The following SIK2 variants were observed in gnomAD, a reference collection of about 807,000 sequenced individuals.
SIK2 encodes serine/threonine-protein kinase SIK2.
In SIK2, 29 loss-of-function variants were observed where a neutral mutation model predicts 103.2. The ratio of observed to expected loss-of-function variants is 0.28; its 90% CI spans 0.21 to 0.38. The LOEUF (loss-of-function observed/expected upper bound fraction) is 0.38. SIK2 is among the 10% of genes least tolerant of loss of function. The probability of loss-of-function intolerance (pLI) is 1.00; values close to 1 mark genes in which losing one functional copy is unlikely to be tolerated. For missense variants in SIK2, 879 were observed against 1,171.0 expected, an observed-to-expected ratio of 0.75 and a Z score of 3.64; for synonymous variants, 412 against 446.1, an observed-to-expected ratio of 0.92 and a Z score of 0.96.
chr11:111,726,918 T>C lies in SIK2; in HGVS notation c.*2789T>C, dbSNP rs1381328458. On this transcript the variant is annotated 3_prime_UTR_variant, in exon 15 of 15. Coordinates refer to ENST00000304987, the MANE Select transcript of SIK2 (RefSeq NM_015191.3). ...AAATTTCGTTCGGCAAAAAGTGCAA[T>C]ATGTGTGGTACTTTATTTTTTATGT... 4.4e-6 allele frequency: 7 copies of C among 1,585,032 alleles called. No homozygotes were observed. In the South Asian group the frequency reaches 5.6e-5, roughly 13 times the overall value.
chr11:111,645,906 G>A (rs1942249722), intron 3 of SIK2, among the ~76,000 whole-genome samples: 1 of 152,140 alleles, frequency 6.6e-6, no homozygotes, highest in Non-Finnish European at 1.5e-5. Context: ...AAGTATGGGG[G>A]AGGTGCTTCT....
intron 3 of SIK2, among the ~76,000 whole-genome samples, chr11:111,632,974 C>G (rs112693849): frequency 6.6e-6 from 1 of 152,102 alleles, no homozygotes; most frequent in African/African-American, 2.4e-5. Flanking sequence ...GGGCTCCTGT[C>G]TTCTGTACTT....
intron 3 of SIK2, among the ~76,000 whole-genome samples, chr11:111,663,488 C>T (rs1364418515): frequency 6.6e-6 from 1 of 151,998 alleles, no homozygotes; most frequent in Non-Finnish European, 1.5e-5. Flanking sequence ...TGGTTGAGAT[C>T]ACATGGGGTC....
At chr11:111,637,658 CA>C in intron 3 of SIK2, among the ~76,000 whole-genome samples, 1 of 152,024 alleles carries the variant, frequency 6.6e-6, no homozygotes, top group East Asian at 1.9e-4. Flanking sequence ...GACAGGGCTT[CA>C]CCATGTTGAC....
chr11:111,719,413 C>T (rs1361898268), intron 9 of SIK2, among the ~76,000 whole-genome samples: 23 of 132,950 alleles, frequency 1.7e-4, no homozygotes, highest in African/African-American at 6.2e-4. Flanking sequence ...AAAAACAACT[C>T]ATCTTCCCCC....
At chr11:111,697,387 C>T (rs1727466948) in intron 4 of SIK2, among the ~76,000 whole-genome samples, 2 of 152,106 alleles carry the variant, frequency 1.3e-5, no homozygotes, top group South Asian at 4.1e-4. Context: ...AATGTTGTCC[C>T]CCATTCCCTG....
rs545078728 is a variant in SIK2 at position 111,663,532 on chromosome 11, C to G, written c.317-24469C>G. ...CATGGTAGAGACTTGGAATTTTGTA[C>G]TGAGTGAGACTGGAAGCCAGTGGAG... On this transcript the variant is annotated intron_variant, in intron 3 of 14. Transcript: ENST00000304987. 4.6e-5 allele frequency among the ~76,000 whole-genome samples: 7 copies of G among 152,218 alleles called. No individual in the cohort carries two copies. The East Asian group carries it at 1.4e-3, about 29-fold the overall frequency.
At chr11:111,652,627 AG>A (rs1942341988) in intron 3 of SIK2, among the ~76,000 whole-genome samples, 1 of 152,220 alleles carries the variant, frequency 6.6e-6, no homozygotes, top group South Asian at 2.1e-4. Context: ...TGATTAGAAA[AG>A]GTGCTTTTGA....
intron 3 of SIK2, among the ~76,000 whole-genome samples, chr11:111,665,749 C>G (rs995243758): frequency 2.0e-5 from 3 of 151,714 alleles, no homozygotes; most frequent in African/African-American, 7.3e-5. Flanking sequence ...TCACTTGAAC[C>G]CGGGAGGCAG....
rs931762090 is a variant in SIK2, at chr11:111,729,000, C to T, written c.*4871C>T. On this transcript the variant is annotated 3_prime_UTR_variant, in exon 15 of 15. Coordinates refer to ENST00000304987, the MANE Select transcript of SIK2 (RefSeq NM_015191.3). ...GGACAAAGAGATTTTCTTAAAGTTT[C>T]TATCATCTCCCTTCTGACAGGTTCT... The T allele has an allele frequency of 3.9e-5, 6 of 152,152 alleles. No homozygotes were observed. The highest frequency in any genetic ancestry group is 1.4e-4 in the African/African-American group (6 of 41,434). 9.4% of individuals were successfully genotyped at this position (152,152 alleles called of 1,614,324 possible).
chr11:111,647,992 TAAATG>T (rs1159518571), intron 3 of SIK2, among the ~76,000 whole-genome samples: 1 of 152,106 alleles, frequency 6.6e-6, no homozygotes, highest in Admixed American at 6.5e-5. Context: ...TATCATATAG[TAAATG>T]AAATTTCTCT....
chr11:111,651,767 C>A (rs1942330161), intron 3 of SIK2, among the ~76,000 whole-genome samples: 1 of 152,166 alleles, frequency 6.6e-6, no homozygotes, highest in Non-Finnish European at 1.5e-5. Context: ...GCATTGAACA[C>A]CTACACTATG....
rs1366193372 is a variant in SIK2, at chr11:111,723,966, A to G, written c.2618A>G (p.Gln873Arg). The change falls in exon 15 of 15, where the codon CAG (glutamine) becomes CGG (arginine). Residue 873 changes from glutamine (Q) to arginine (R), a missense_variant. Gln to Arg is a conservative substitution (Grantham distance 43, BLOSUM62 1). This residue lies in a region of SIK2 where 375 missense variants were observed against 416.3 expected (regional missense o/e 0.90). Coordinates refer to ENST00000304987, the MANE Select transcript of SIK2 (RefSeq NM_015191.3). ...TGTCAGTATCCTGTGGATGGAGCCC[A>G]GCAGAGCGACCTAACGGGGCCAGAC... ...TPCQYPVDGA[Q>R]QSDLTGPDCP... 4 of 1,614,140 alleles carry G rather than the reference A, an allele frequency of 2.5e-6. No homozygotes were observed. In the South Asian group the frequency reaches 4.4e-5, roughly 18 times the overall value.
At chr11:111,606,370 G>A (rs565490987) in intron 1 of SIK2, among the ~76,000 whole-genome samples, 1 of 151,904 alleles carries the variant, frequency 6.6e-6, no homozygotes, top group East Asian at 1.9e-4. Flanking sequence ...TCCACTAATG[G>A]GAATAACCCA....
rs1591648558 is a variant in SIK2 at position 111,721,186 on chromosome 11, A to G, written c.1944+124A>G. The G allele has an allele frequency of 9.2e-6, 11 of 1,202,062 alleles. No homozygotes were observed. In the South Asian group the frequency reaches 1.8e-4, roughly 19 times the overall value. 74.5% of individuals were successfully genotyped at this position (1,202,062 alleles called of 1,614,324 possible). A position where few individuals can be genotyped will look rare whatever the true frequency, so the allele number is the denominator to read the frequency against. On this transcript the variant is annotated intron_variant, in intron 12 of 14. Coordinates refer to ENST00000304987, the MANE Select transcript of SIK2 (RefSeq NM_015191.3). ...TGGAGCAAACAGGCTGTTTGGGAAAACCCACAGCTTCTTTGCCTTGTTGCT... is the reference window on the plus strand; with the variant it reads ...TGGAGCAAACAGGCTGTTTGGGAAAGCCCACAGCTTCTTTGCCTTGTTGCT...
chr11:111,655,240 A>G (rs1942376655), intron 3 of SIK2, among the ~76,000 whole-genome samples: 1 of 152,132 alleles, frequency 6.6e-6, no homozygotes. Flanking sequence ...CTTCTCTACT[A>G]AAAATACAAA....
At chr11:111,678,709 A>G (rs1942738706) in intron 3 of SIK2, among the ~76,000 whole-genome samples, 1 of 152,218 alleles carries the variant, frequency 6.6e-6, no homozygotes, top group Non-Finnish European at 1.5e-5. Context: ...TTGCTAATGT[A>G]CATTTTATGT....
rs1267544133 is a variant in SIK2, at chr11:111,725,353, G to GA, written c.*1227dup. Reference sequence around the variant, plus strand: ...TTCAAGTATTACAGCAATATTCAAAGAAAGAACCACAGATGTGTTAACCAT... The same window carrying GA: ...TTCAAGTATTACAGCAATATTCAAAGAAAAGAACCACAGATGTGTTAACCAT... On this transcript the variant is annotated 3_prime_UTR_variant, in exon 15 of 15. Coordinates refer to ENST00000304987, the MANE Select transcript of SIK2 (RefSeq NM_015191.3). The GA allele has an allele frequency of 6.6e-6, 1 of 150,660 alleles. No individual in the cohort carries two copies. Among genetic ancestry groups the GA allele is most frequent in the Non-Finnish European group, 1.5e-5 (1 of 66,780 alleles). The allele number at this position is 150,660 out of a possible 1,614,324, so 9.3% of individuals were successfully genotyped here. A position where few individuals can be genotyped will look rare whatever the true frequency, so the allele number is the denominator to read the frequency against.
At chr11:111,643,811 A>G (rs1177280039) in intron 3 of SIK2, among the ~76,000 whole-genome samples, 1 of 151,442 alleles carries the variant, frequency 6.6e-6, no homozygotes, top group Non-Finnish European at 1.5e-5. Context: ...AAAAAAAAGA[A>G]CTGTTCATTG....
Sources: gnomAD v4.1 joint callset for allele counts (sites outside exome capture counted in the v4.1 genomes callset) on GRCh38, gnomAD v4.1.1 for gene constraint, gnomAD v4.1.1 regional missense constraint, MANE v1.5 for transcripts, NCBI Gene and HGNC (gene_info 2026-07-23, HGNC 2026-07-21) for gene names.